Variants in PSMA6 observed in about 807,000 individuals in gnomAD.
PSMA6 encodes the protein proteasome 20S subunit alpha 6, also known as proteasome subunit alpha type-6.
For missense variants in PSMA6, 170 were observed against 294.8 expected, an observed-to-expected ratio of 0.58 and a Z score of 3.10; for synonymous variants, 88 against 97.7, an observed-to-expected ratio of 0.90 and a Z score of 0.59.
intron 1 of PSMA6, among the ~76,000 whole-genome samples, chr14:35,301,167 A>T (rs574795953): frequency 6.6e-6 from 1 of 152,292 alleles, no homozygotes; most frequent in South Asian, 2.1e-4. Context: ...AGGGAAGTTC[A>T]GAGAAGTAGG....
intron 1 of PSMA6, among the ~76,000 whole-genome samples, chr14:35,281,854 G>T (rs971872125): frequency 1.3e-5 from 2 of 152,166 alleles, no homozygotes; most frequent in Non-Finnish European, 2.9e-5. Flanking sequence ...CTCTCAAGGT[G>T]CTAGGATTAC....
rs532513189 is a variant in PSMA6 at position 35,301,258 on chromosome 14, A to G, written c.77-6736A>G. ...AGTGGTTCACACCTATAATCCCAGC[A>G]CTTTGGGAGGCCGAGGCGGGTGGAT... On this transcript the variant is annotated intron_variant, in intron 1 of 6. Transcript: ENST00000261479. Among the ~76,000 whole-genome samples, 4 of 152,290 alleles carry G rather than the reference A, an allele frequency of 2.6e-5. No homozygotes were observed. In the South Asian group the frequency reaches 6.2e-4, roughly 24 times the overall value.
chr14:35,282,424 A>T (rs933011184), intron 1 of PSMA6, among the ~76,000 whole-genome samples: 50 of 145,172 alleles, frequency 3.4e-4, no homozygotes, highest in Middle Eastern at 3.4e-3. Flanking sequence ...TTTGTAAATT[A>T]AAAAAAAATT....
Position 35,306,587 on chromosome 14 carries a change from C to G in PSMA6, c.77-1407C>G, listed in dbSNP as rs372774940. On this transcript the variant is annotated intron_variant, in intron 1 of 6. Transcript: ENST00000261479. ...GGTGTTGTGGCGGGCAGCTGTAATCCCAACTACTCAGGACGAGGCCGAGGC... is the reference window on the plus strand; with the variant it reads ...GGTGTTGTGGCGGGCAGCTGTAATCGCAACTACTCAGGACGAGGCCGAGGC... 2.8e-4 allele frequency among the ~76,000 whole-genome samples: 42 copies of G among 151,848 alleles called. No homozygotes were observed. The East Asian group carries it at 6.5e-3, about 23-fold the overall frequency.
upstream of PSMA6, chr14:35,292,328 C>G (rs947966096): frequency 6.0e-6 from 9 of 1,491,538 alleles, no homozygotes; most frequent in Admixed American, 2.2e-4. Flanking sequence ...CTCGAACTGG[C>G]TCCAGAGCCG....
At chr14:35,296,349 T>C (rs2051586633) in intron 1 of PSMA6, among the ~76,000 whole-genome samples, 1 of 149,874 alleles carries the variant, frequency 6.7e-6, no homozygotes, top group African/African-American at 2.5e-5. Context: ...TTGTTTGTTT[T>C]TGAGACAGTC....
intron 1 of PSMA6, among the ~76,000 whole-genome samples, chr14:35,303,161 T>C (rs2051749806): frequency 6.6e-6 from 1 of 152,226 alleles, no homozygotes; most frequent in African/African-American, 2.4e-5. Context: ...GTTATATTTC[T>C]CCAAAGAGTA....
intron 1 of PSMA6, among the ~76,000 whole-genome samples, chr14:35,282,572 T>A (rs1227788327): frequency 6.6e-6 from 1 of 152,010 alleles, no homozygotes; most frequent in East Asian, 1.9e-4. Context: ...AACGTAACTT[T>A]TAACGTTGCA....
intron 1 of PSMA6, among the ~76,000 whole-genome samples, chr14:35,295,449 T>C (rs2051565786): frequency 7.1e-6 from 1 of 140,672 alleles, no homozygotes; most frequent in African/African-American, 2.7e-5. Flanking sequence ...AGACTTTTTC[T>C]TTTTTTTTTT....
intron 1 of PSMA6, among the ~76,000 whole-genome samples, chr14:35,295,793 G>A (rs186913960): frequency 6.6e-6 from 1 of 152,338 alleles, no homozygotes; most frequent in East Asian, 1.9e-4. Flanking sequence ...TTGTATGTGT[G>A]TGCATGTATT....
upstream of PSMA6, chr14:35,292,346 G>T (rs765225332): frequency 1.3e-6 from 2 of 1,514,494 alleles, no homozygotes; most frequent in African/African-American, 1.4e-5. Flanking sequence ...CCGTGAGTTC[G>T]GCATGCAAGA....
chr14:35,287,522 C>T (rs1028469724), upstream of PSMA6, among the ~76,000 whole-genome samples: 6 of 151,728 alleles, frequency 4.0e-5, no homozygotes, highest in African/African-American at 1.5e-4. Context: ...TTCAGCATGT[C>T]TGCAGTCTCT....
At chr14:35,296,417 G>C (rs1173071179) in intron 1 of PSMA6, among the ~76,000 whole-genome samples, 1 of 152,090 alleles carries the variant, frequency 6.6e-6, no homozygotes, top group African/African-American at 2.4e-5. Flanking sequence ...TGCAACCTCT[G>C]CCTTCTGGGT....
chr14:35,307,925 G>A (rs1566560498), intron 1 of PSMA6, 69 bp from the exon 2 acceptor site: 1 of 1,420,450 alleles, frequency 7.0e-7, no homozygotes. Context: ...TCTTTTTAAT[G>A]ACTATTATTT....
At chr14:35,298,111 T>C (rs1196318426) in intron 1 of PSMA6, among the ~76,000 whole-genome samples, 2 of 152,160 alleles carry the variant, frequency 1.3e-5, no homozygotes, top group Admixed American at 6.6e-5. Flanking sequence ...AATCTAATAC[T>C]TAGGTATTTT....
upstream of PSMA6, among the ~76,000 whole-genome samples, chr14:35,291,714 T>G (rs1022092354): frequency 2.4e-4 from 36 of 149,962 alleles, no homozygotes; most frequent in Admixed American, 4.7e-4. Context: ...TCCCAGCTAC[T>G]CGGGAGGATG....
chr14:35,292,231 G>C, upstream of PSMA6: 1 of 1,156,114 alleles, frequency 8.6e-7, no homozygotes, highest in Non-Finnish European at 1.1e-6. Context: ...CCACTCAAGA[G>C]GCCTGCTTGG....
At chr14:35,311,660 T>G (rs780915390) in intron 4 of PSMA6, among the ~76,000 whole-genome samples, 3 of 152,360 alleles carry the variant, frequency 2.0e-5, no homozygotes, top group South Asian at 2.1e-4. Flanking sequence ...TTAAGTACTT[T>G]GTTACCTGTT....
intron 1 of PSMA6, among the ~76,000 whole-genome samples, chr14:35,302,657 A>G (rs1465928788): frequency 1.3e-5 from 2 of 151,916 alleles, no homozygotes; most frequent in Admixed American, 6.6e-5. Context: ...CCAGTTGTAC[A>G]TATCTTACAC....
Sources: allele counts gnomAD v4.1 joint callset (sites outside exome capture counted in the v4.1 genomes callset), GRCh38; gene constraint gnomAD v4.1.1; transcripts MANE v1.5; gene names NCBI Gene and HGNC (gene_info 2026-07-23, HGNC 2026-07-21).